The following INTS3 variants were observed in gnomAD, a reference collection of about 807,000 sequenced individuals.
INTS3 encodes the protein integrator complex subunit 3, also known as SOSS complex subunit A.
INTS3 carries 34 observed loss-of-function variants against 146.3 expected under a neutral mutation model. The ratio of observed to expected loss-of-function variants is 0.23; its 90% CI spans 0.18 to 0.31. INTS3 has a LOEUF of 0.31. INTS3 is among the 10% of genes least tolerant of loss of function. INTS3 has a pLI of 1.00. For missense variants in INTS3, 757 were observed against 1,304.2 expected (o/e 0.58, Z 6.46); for synonymous variants, 475 against 494.9 (o/e 0.96, Z 0.53).
rs1384636622 is a variant in INTS3 at position 153,728,051 on chromosome 1, C to A, written c.-584C>A. The A allele has an allele frequency of 6.7e-6, 1 of 149,974 alleles. No individual in the cohort carries two copies. 9.3% of individuals were successfully genotyped at this position (149,974 alleles called of 1,614,324 possible). A position where few individuals can be genotyped will look rare whatever the true frequency, so the allele number is the denominator to read the frequency against. On this transcript the variant is annotated 5_prime_UTR_variant, in exon 1 of 30. Transcript: ENST00000318967. ...ATTTCTCCCCCTCCCCCGCCCTCCG[C>A]CTTCCCACCCCCCGCCCTTCCACTA...
intron 3 of INTS3, among the ~76,000 whole-genome samples, chr1:153,746,634 C>G (rs1436257905): frequency 1.3e-5 from 2 of 152,008 alleles, no homozygotes; most frequent in East Asian, 3.9e-4. Flanking sequence ...ATCTCCTGAC[C>G]TCGTGATCCA....
chr1:153,734,036 C>G (rs1354198717), intron 1 of INTS3, among the ~76,000 whole-genome samples: 1 of 152,106 alleles, frequency 6.6e-6, no homozygotes, highest in Admixed American at 6.6e-5. Context: ...CCCCCCCTTT[C>G]TCCCCCATTT....
chr1:153,770,189 C>T lies in INTS3; in HGVS notation c.2390-9C>T. The T allele has an allele frequency of 6.5e-7, 1 of 1,543,210 alleles. No individual in the cohort carries two copies. Among genetic ancestry groups the T allele is most frequent in the Non-Finnish European group, 9.0e-7 (1 of 1,117,048 alleles). On this transcript the variant is annotated splice_polypyrimidine_tract_variant and intron_variant, in intron 23 of 29. Transcript: ENST00000318967. ...TTCTTGAGAGAGATGTTTCTTTTGTCTCTTCCAGTTCAGAGCCTAGACTGG... is the reference window on the plus strand; with the variant it reads ...TTCTTGAGAGAGATGTTTCTTTTGTTTCTTCCAGTTCAGAGCCTAGACTGG...
intron 10 of INTS3, among the ~76,000 whole-genome samples, chr1:153,758,137 G>A (rs1056136136): frequency 2.0e-5 from 3 of 152,076 alleles, no homozygotes; most frequent in Non-Finnish European, 2.9e-5. Context: ...TGCCTTTTTG[G>A]CATCAGCTTT....
In INTS3 at chr1:153,770,351, A is replaced by G. The variant is rs1020187476; in HGVS notation, c.2503+40A>G. ...GGGTAGGGAGCACATCAGATATGAC[A>G]CTTCCTATACAGTTAGGGCAAGGCT... On this transcript the variant is annotated intron_variant, in intron 24 of 29. Transcript: ENST00000318967. 2.5e-6 allele frequency: 3 copies of G among 1,221,888 alleles called. No homozygotes were observed. In the African/African-American group the frequency reaches 4.5e-5, roughly 18 times the overall value. 75.7% of individuals were successfully genotyped at this position (1,221,888 alleles called of 1,614,324 possible). A position where few individuals can be genotyped will look rare whatever the true frequency, so the allele number is the denominator to read the frequency against.
At position 153,773,722 on chromosome 1, in the gene INTS3, T is replaced by G. The variant is rs749518891; in HGVS notation, c.*452T>G. 8.0e-5 allele frequency: 16 copies of G among 200,954 alleles called. No homozygotes were observed. Among genetic ancestry groups the G allele is most frequent in the Non-Finnish European group, 1.6e-4 (14 of 87,214 alleles). 12.4% of individuals were successfully genotyped at this position (200,954 alleles called of 1,614,324 possible). Reference sequence around the variant, plus strand: ...CCTGCTTCCCCTTCAGGTCTTGGTTTGTTCTGAAGGGACGTTTTATAGTCA... The same window carrying G: ...CCTGCTTCCCCTTCAGGTCTTGGTTGGTTCTGAAGGGACGTTTTATAGTCA... On this transcript the variant is annotated 3_prime_UTR_variant, in exon 30 of 30. Transcript: ENST00000318967.
chr1:153,752,323 T>G lies in INTS3; in HGVS notation c.774T>G (p.Leu258=), dbSNP rs1312832173. The G allele has an allele frequency of 6.2e-7, 1 of 1,613,474 alleles. No individual in the cohort carries two copies. Among genetic ancestry groups the G allele is most frequent in the African/African-American group, 1.3e-5 (1 of 74,920 alleles). The change falls in exon 8 of 30, where the codon CTT becomes CTG. Residue 258 remains leucine (L), a synonymous_variant. Coordinates refer to ENST00000318967, the MANE Select transcript of INTS3 (RefSeq NM_023015.5). ...LMIGRDLVRL[L]QNVARIPEFE... is the part of the protein sequence containing the mutation. ...TTGGTCGGGATCTCGTAAGACTACT[T>G]CAGAATGTTGCTAGGATACCAGAAT...
At chr1:153,746,116 C>G (rs1230936135) in intron 3 of INTS3, among the ~76,000 whole-genome samples, 1 of 152,212 alleles carries the variant, frequency 6.6e-6, no homozygotes, top group Non-Finnish European at 1.5e-5. Context: ...TTGGTTCTGT[C>G]CTTAACTGTC....
At chr1:153,730,770 C>A (rs1471681185) in intron 1 of INTS3, among the ~76,000 whole-genome samples, 2 of 151,900 alleles carry the variant, frequency 1.3e-5, no homozygotes, top group African/African-American at 4.8e-5. Context: ...TGGATGTTTC[C>A]CAGTATGTCT....
At chr1:153,754,799 G>A (rs1259090766) in intron 9 of INTS3, 60 bp downstream of exon 9, 22 of 1,079,180 alleles carry the variant, frequency 2.0e-5, no homozygotes, top group Non-Finnish European at 3.2e-5. Context: ...TCTTGCTTCG[G>A]TCTGTGGAGC....
intron 25 of INTS3, among the ~76,000 whole-genome samples, chr1:153,771,089 G>A (rs1672839349): frequency 6.6e-6 from 1 of 151,874 alleles, no homozygotes; most frequent in African/African-American, 2.4e-5. Context: ...TAATCCAAGA[G>A]GAGGGAGGGT....
At chr1:153,740,982 T>C (rs1671510779) in intron 2 of INTS3, among the ~76,000 whole-genome samples, 1 of 152,210 alleles carries the variant, frequency 6.6e-6, no homozygotes, top group South Asian at 2.1e-4. Flanking sequence ...CAGGCTGGAA[T>C]GCAGTGATTG....
intron 12 of INTS3, 71 bp downstream of exon 12, chr1:153,760,461 C>A: frequency 1.5e-6 from 2 of 1,303,966 alleles, no homozygotes; most frequent in Non-Finnish European, 2.2e-6. Flanking sequence ...CCTAATCTCC[C>A]AGTGAACGGG....
rs911713687 is a variant in INTS3, at chr1:153,761,171, A to C, written c.1409+253A>C. On this transcript the variant is annotated intron_variant, in intron 13 of 29. Coordinates refer to ENST00000318967, the MANE Select transcript of INTS3 (RefSeq NM_023015.5). ...TCAGGGATCTGAGTATGGTCCAGTT[A>C]GACTGATTGTGCTTAGACCTATCTC... The C allele has an allele frequency of 3.2e-6, 3 of 928,086 alleles. No individual in the cohort carries two copies. The East Asian group carries it at 8.5e-5, about 26-fold the overall frequency. The allele number at this position is 928,086 out of a possible 1,614,324, so 57.5% of individuals were successfully genotyped here. A position where few individuals can be genotyped will look rare whatever the true frequency, so the allele number is the denominator to read the frequency against.
In INTS3 at chr1:153,760,324, G is replaced by A; in HGVS notation, c.1251G>A (p.Leu417=). 6.2e-7 allele frequency: 1 copy of A among 1,612,712 alleles called. No homozygotes were observed. The highest frequency in any genetic ancestry group is 1.1e-5 in the South Asian group (1 of 91,014). Residue 417 remains leucine, a synonymous_variant, in exon 12 of 30, where the codon CTG becomes CTA. Transcript: ENST00000318967. ...CACATCCTCCAGAACCAGCCATCCT[G>A]GTCATGCACCACTCCATGAAGCCCC... ...DSIMNIEPAI[L]VMHHSMKPHP... is the part of the protein sequence containing the mutation.
intron 7 of INTS3, 194 bp from the exon 8 acceptor site, chr1:153,752,085 T>C (rs1464407428): frequency 1.3e-5 from 8 of 619,544 alleles, no homozygotes; most frequent in Non-Finnish European, 2.3e-5. Context: ...ATCCTTGATA[T>C]CAGTCCCCAG....
chr1:153,762,406 T>C (rs1055884838), intron 14 of INTS3, among the ~76,000 whole-genome samples: 1 of 152,244 alleles, frequency 6.6e-6, no homozygotes, highest in Admixed American at 6.5e-5. Flanking sequence ...ATGGCGCCAC[T>C]GCACTCCAGC....
chr1:153,745,195 C>T (rs1474562020), intron 3 of INTS3, among the ~76,000 whole-genome samples: 1 of 142,448 alleles, frequency 7.0e-6, no homozygotes, highest in East Asian at 2.0e-4. Context: ...GTGTCTCTGT[C>T]ACCCAGGCTG....
intron 3 of INTS3, among the ~76,000 whole-genome samples, chr1:153,746,627 T>C (rs1322205218): frequency 6.6e-6 from 1 of 151,918 alleles, no homozygotes; most frequent in Non-Finnish European, 1.5e-5. Context: ...GGTCTCGATC[T>C]CCTGACCTCG....
Sources: gnomAD v4.1 joint callset for allele counts (sites outside exome capture counted in the v4.1 genomes callset) on GRCh38, gnomAD v4.1.1 for gene constraint, MANE v1.5 for transcripts, NCBI Gene and HGNC (gene_info 2026-07-23, HGNC 2026-07-21) for gene names.